Variants in FILIP1 observed in about 807,000 individuals in gnomAD.
FILIP1 encodes the protein filamin-A-interacting protein 1.
A neutral mutation model predicts 102.1 loss-of-function variants in FILIP1; 61 were observed. That is an observed-to-expected ratio of 0.60 (90% CI 0.49 to 0.74). The LOEUF (loss-of-function observed/expected upper bound fraction) is 0.74, where lower values mean the gene tolerates loss of function less well. FILIP1 is among the 30% of genes least tolerant of loss of function. The pLI, the probability that FILIP1 is intolerant of heterozygous loss-of-function variation, is 0.00. For synonymous variants in FILIP1, 491 were observed against 526.9 expected (o/e 0.93, Z 0.93); for missense variants, 1,314 against 1,441.2 (o/e 0.91, Z 1.43).
At chr6:75,416,560 A>G (rs1777275994) in intron 1 of FILIP1, among the ~76,000 whole-genome samples, 1 of 148,890 alleles carries the variant, frequency 6.7e-6, no homozygotes, top group African/African-American at 2.5e-5. Flanking sequence ...ATTTGTGGGC[A>G]GAATGGACTG....
rs201951595 is a variant in FILIP1, at chr6:75,316,197, CAGTT to C, written c.630-999_630-996del. ...AGCTATTTACCATTCTTGGGTTGGT[CAGTT>C]AACTTGTACTAATTTTAATAGTTTT... On this transcript the variant is annotated intron_variant, in intron 4 of 5. Coordinates refer to ENST00000237172, the MANE Select transcript of FILIP1 (RefSeq NM_015687.5). 8.7e-3 allele frequency among the ~76,000 whole-genome samples: 1,325 copies of C among 152,232 alleles called. 10 individuals carry two copies. The highest frequency in any genetic ancestry group is 0.024 in the Middle Eastern group (7 of 294).
At chr6:75,401,861 T>C (rs1027050243) in intron 2 of FILIP1, among the ~76,000 whole-genome samples, 3 of 152,160 alleles carry the variant, frequency 2.0e-5, no homozygotes, top group Non-Finnish European at 4.4e-5. Flanking sequence ...TACTTGAAAA[T>C]GCTCCATGTA....
intron 2 of FILIP1, among the ~76,000 whole-genome samples, chr6:75,396,449 A>G (rs981533128): frequency 6.6e-6 from 1 of 152,072 alleles, no homozygotes; most frequent in Non-Finnish European, 1.5e-5. Flanking sequence ...CTCTCCAGCT[A>G]TGTGAGGTCA....
chr6:75,374,278 T>C (rs1256543369), intron 2 of FILIP1, among the ~76,000 whole-genome samples: 2 of 152,210 alleles, frequency 1.3e-5, no homozygotes, highest in African/African-American at 4.8e-5. Context: ...AGCTCTCAGT[T>C]CTATGCTGAT....
rs143547658 is a variant in FILIP1 at position 75,376,420 on chromosome 6, T to C, written c.277-13503A>G. ...TAATGTATACAAAGTGCCTGGTAAA[T>C]GTTGGTTACTCCCCACCCCTTGGGA... On this transcript the variant is annotated intron_variant, in intron 2 of 5. Coordinates refer to ENST00000237172, the MANE Select transcript of FILIP1 (RefSeq NM_015687.5). Among the ~76,000 whole-genome samples the C allele has an allele frequency of 7.2e-3, 1,096 of 152,232 alleles. 11 individuals are homozygous for C. The highest frequency in any genetic ancestry group is 0.025 in the African/African-American group (1,057 of 41,532).
chr6:75,390,192 C>A (rs1462204169), intron 2 of FILIP1, among the ~76,000 whole-genome samples: 1 of 152,188 alleles, frequency 6.6e-6, no homozygotes, highest in Non-Finnish European at 1.5e-5. Context: ...CTATCCCACT[C>A]TCCTTGTACC....
At chr6:75,475,087 T>TA (rs1222507809) in intron 1 of FILIP1, among the ~76,000 whole-genome samples, 5 of 152,188 alleles carry the variant, frequency 3.3e-5, no homozygotes, top group Non-Finnish European at 7.3e-5. Flanking sequence ...CTTTTCTTTT[T>TA]AAATTACTCA....
intron 2 of FILIP1, among the ~76,000 whole-genome samples, chr6:75,392,307 A>T (rs1776302107): frequency 6.6e-6 from 1 of 152,132 alleles, no homozygotes; most frequent in Non-Finnish European, 1.5e-5. Context: ...TGACAACTCC[A>T]TCCCAGACCT....
At chr6:75,405,066 A>C (rs991676394) in intron 2 of FILIP1, among the ~76,000 whole-genome samples, 2 of 152,172 alleles carry the variant, frequency 1.3e-5, no homozygotes, top group African/African-American at 4.8e-5. Flanking sequence ...TAATGACAAC[A>C]ACCCCAGAAC....
intron 2 of FILIP1, among the ~76,000 whole-genome samples, chr6:75,369,286 G>T (rs991777256): frequency 6.6e-6 from 1 of 152,184 alleles, no homozygotes; most frequent in African/African-American, 2.4e-5. Context: ...GATTGTGTGA[G>T]ACTAAGGGAA....
At position 75,350,220 on chromosome 6, in the gene FILIP1, T is replaced by G. The variant is rs141795746; in HGVS notation, c.629+3319A>C. On this transcript the variant is annotated intron_variant, in intron 4 of 5. Coordinates refer to ENST00000237172, the MANE Select transcript of FILIP1 (RefSeq NM_015687.5). ...ACGTTGACAGAAAAACAAAAAAGATTTAAGCACTAAAGTATAACTGATTCC... is the reference window on the plus strand; with the variant it reads ...ACGTTGACAGAAAAACAAAAAAGATGTAAGCACTAAAGTATAACTGATTCC... Among the ~76,000 whole-genome samples the G allele has an allele frequency of 5.2e-3, 788 of 151,982 alleles. 2 individuals carry two copies. Among genetic ancestry groups the G allele is most frequent in the Middle Eastern group, 0.034 (10 of 290 alleles).
chr6:75,313,124 G>A lies in FILIP1; in HGVS notation c.2708C>T (p.Ser903Leu). The A allele has an allele frequency of 1.2e-6, 2 of 1,614,174 alleles. No individual in the cohort carries two copies. The change falls in exon 5 of 6, where the codon TCA becomes TTA. Residue 903 changes from serine (S) to leucine (L), a missense_variant. Transcript: ENST00000237172. This position sits in a 1 kb window ranked among gnomAD's most constrained non-coding sequence, Gnocchi z 4.2. ...ATGCAGGGGCTGGCCCTGCTTTGGTGAAAGGACTACCTCTCCTGGGTGCCC... is the reference window on the plus strand; with the variant it reads ...ATGCAGGGGCTGGCCCTGCTTTGGTAAAAGGACTACCTCTCCTGGGTGCCC... ...SPGHPGEVVL[S>L]PKQGQPLHIR... is the part of the protein sequence containing the mutation.
chr6:75,381,556 G>A (rs1268137864), intron 2 of FILIP1, among the ~76,000 whole-genome samples: 2 of 152,034 alleles, frequency 1.3e-5, no homozygotes, highest in African/African-American at 4.8e-5. Context: ...AAAGTGCTAC[G>A]TATTTCAGCT....
At chr6:75,413,079 A>G (rs1288559085) in intron 2 of FILIP1, among the ~76,000 whole-genome samples, 2 of 152,156 alleles carry the variant, frequency 1.3e-5, no homozygotes, top group African/African-American at 2.4e-5. Context: ...CTTATCTAGC[A>G]CCACTATAAA....
In FILIP1 at chr6:75,295,955, A is replaced by G. The variant is rs1772655608; in HGVS notation, c.3494-5T>C. 2 of 1,438,660 alleles carry G rather than the reference A, an allele frequency of 1.4e-6. 1 individual carries two copies. Among genetic ancestry groups the G allele is most frequent in the South Asian group, 2.9e-5 (2 of 68,330 alleles). 89.1% of individuals were successfully genotyped at this position (1,438,660 alleles called of 1,614,324 possible). On this transcript the variant is annotated splice_region_variant and splice_polypyrimidine_tract_variant and intron_variant, in intron 6 of 6. Transcript: ENST00000393004. ...ACTGGTGAATGATGATGCTTTCTAT[A>G]AAGAGAAAAAAGACATGGCATTTTC...
downstream of FILIP1, among the ~76,000 whole-genome samples, chr6:75,304,016 T>C (rs955741811): frequency 6.6e-6 from 1 of 151,996 alleles, no homozygotes; most frequent in Admixed American, 6.6e-5. Flanking sequence ...TGTGTTTAAG[T>C]GTTTGGAAAA....
intron 2 of FILIP1, among the ~76,000 whole-genome samples, chr6:75,406,934 A>G (rs1456248287): frequency 1.3e-5 from 2 of 152,178 alleles, no homozygotes; most frequent in Non-Finnish European, 2.9e-5. Flanking sequence ...TTGGGATTAC[A>G]GGTGTGAGCC....
chr6:75,366,032 T>G (rs1259748183), intron 2 of FILIP1: 1 of 152,194 alleles, frequency 6.6e-6, no homozygotes, highest in Non-Finnish European at 1.5e-5. Flanking sequence ...CCTGATTTCT[T>G]TCAGAATTAT....
At chr6:75,317,755 C>T (rs897396473) in intron 4 of FILIP1, among the ~76,000 whole-genome samples, 8 of 152,208 alleles carry the variant, frequency 5.3e-5, no homozygotes, top group Admixed American at 2.6e-4. Context: ...ACATCTTAAA[C>T]CATGCCCATC....
Sources: allele counts gnomAD v4.1 joint callset (sites outside exome capture counted in the v4.1 genomes callset), GRCh38; gene constraint gnomAD v4.1.1; non-coding constraint Gnocchi (gnomAD v3.1); transcripts MANE v1.5; gene names NCBI Gene and HGNC (gene_info 2026-07-23, HGNC 2026-07-21).